CHODL: variants seen among roughly 807,000 people sequenced by gnomAD.
CHODL encodes transmembrane protein MT75.
CHODL carries 29 observed loss-of-function variants against 34.5 expected under a neutral mutation model. That is an observed-to-expected ratio of 0.84 (90% CI 0.63 to 1.15). The LOEUF (loss-of-function observed/expected upper bound fraction) is 1.15, where lower values mean the gene tolerates loss of function less well. Ranked by LOEUF, CHODL falls within the 50% of genes most tolerant of loss-of-function variation. The pLI is 0.00. For synonymous variants in CHODL, 125 were observed against 116.1 expected, an observed-to-expected ratio of 1.08 and a Z score of -0.49; for missense variants, 332 against 332.5, an observed-to-expected ratio of 1.00 and a Z score of 0.01.
intron 1 of CHODL, among the ~76,000 whole-genome samples, chr21:17,980,142 C>T (rs1299517186): frequency 2.0e-5 from 3 of 149,276 alleles, no homozygotes; most frequent in African/African-American, 7.4e-5. Flanking sequence ...ATCAGTTTTC[C>T]ATCTACATTT....
intron 2 of CHODL, among the ~76,000 whole-genome samples, chr21:18,181,523 C>G (rs1247584232): frequency 6.6e-6 from 1 of 152,206 alleles, no homozygotes; most frequent in Non-Finnish European, 1.5e-5. Context: ...CTGCCTCAGC[C>G]TCCCGAGTAG....
At chr21:18,153,687 TC>T (rs1239716560) in intron 2 of CHODL, among the ~76,000 whole-genome samples, 1 of 152,062 alleles carries the variant, frequency 6.6e-6, no homozygotes, top group Non-Finnish European at 1.5e-5. Context: ...CAGTTGAAAA[TC>T]AACTGATAGA....
chr21:18,126,826 C>T (rs12481865), intron 2 of CHODL, among the ~76,000 whole-genome samples: 13,246 of 152,058 alleles, frequency 0.087, 584 homozygotes, highest in East Asian at 0.17. Flanking sequence ...CATGATGCTC[C>T]GGTGGGAAAA....
chr21:18,052,269 G>A (rs157735), intron 2 of CHODL, among the ~76,000 whole-genome samples: 25,017 of 151,774 alleles, frequency 0.16, 5,112 homozygotes, highest in African/African-American at 0.48. Context: ...ATTTTATAGG[G>A]TGCTATGAAC....
chr21:18,254,637 A>T (rs1388177979), intron 1 of CHODL, among the ~76,000 whole-genome samples: 2 of 152,262 alleles, frequency 1.3e-5, no homozygotes, highest in Non-Finnish European at 2.9e-5. Context: ...AACAATAGAA[A>T]GTCCATTGCT....
intron 2 of CHODL, among the ~76,000 whole-genome samples, chr21:18,147,559 C>G (rs2072909345): frequency 6.6e-6 from 1 of 152,192 alleles, no homozygotes; most frequent in Non-Finnish European, 1.5e-5. Flanking sequence ...AGGGAGTTCT[C>G]AACTTTGTCA....
chr21:18,009,181 T>C (rs2063988299), intron 1 of CHODL, among the ~76,000 whole-genome samples: 2 of 152,214 alleles, frequency 1.3e-5, no homozygotes, highest in Admixed American at 6.5e-5. Flanking sequence ...TCCGTTCAGT[T>C]GAATAGCTTA....
intron 2 of CHODL, among the ~76,000 whole-genome samples, chr21:18,205,962 A>G (rs1421519663): frequency 6.6e-6 from 1 of 152,032 alleles, no homozygotes; most frequent in Non-Finnish European, 1.5e-5. Context: ...TCCTCTTGTT[A>G]CTGATTTTTA....
At chr21:18,265,288 TACAC>T (rs563361586) in intron 5 of CHODL, among the ~76,000 whole-genome samples, 6,297 of 139,866 alleles carry the variant, frequency 0.045, 459 homozygotes, top group African/African-American at 0.16. Context: ...TGTATATATA[TACAC>T]ACACACACAC....
intron 2 of CHODL, among the ~76,000 whole-genome samples, chr21:18,054,102 A>AT (rs1387519147): frequency 6.6e-6 from 1 of 151,594 alleles, no homozygotes; most frequent in African/African-American, 2.4e-5. Flanking sequence ...CTTCTTTGTG[A>AT]TTTTCAGTTT....
intron 2 of CHODL, among the ~76,000 whole-genome samples, chr21:18,221,123 C>T (rs146230717): frequency 7.9e-5 from 12 of 151,986 alleles, no homozygotes; most frequent in African/African-American, 4.8e-5. Context: ...TATTCCAAAA[C>T]GCTTGTCTTC....
intron 2 of CHODL, among the ~76,000 whole-genome samples, chr21:18,051,065 C>T (rs898293923): frequency 2.6e-5 from 4 of 151,852 alleles, no homozygotes; most frequent in Admixed American, 1.3e-4. Flanking sequence ...TCTCCTAATG[C>T]TATCCCTTCC....
intron 2 of CHODL, among the ~76,000 whole-genome samples, chr21:18,164,010 T>C (rs1253443703): frequency 6.6e-6 from 1 of 152,220 alleles, no homozygotes; most frequent in African/African-American, 2.4e-5. Flanking sequence ...CTATTGTCTA[T>C]CTTAAAAGAA....
intron 2 of CHODL, among the ~76,000 whole-genome samples, chr21:18,143,633 G>A (rs1017624458): frequency 6.6e-6 from 1 of 152,014 alleles, no homozygotes; most frequent in Non-Finnish European, 1.5e-5. Flanking sequence ...TAAGACGGGA[G>A]AGTAATAGCT....
intron 2 of CHODL, among the ~76,000 whole-genome samples, chr21:18,165,638 C>T (rs2073143213): frequency 6.6e-6 from 1 of 152,154 alleles, no homozygotes; most frequent in South Asian, 2.1e-4. Flanking sequence ...AGGAGGGAGC[C>T]ACGTGGAGCC....
At chr21:18,250,228 A>G (rs892767482) in intron 1 of CHODL, among the ~76,000 whole-genome samples, 1 of 152,064 alleles carries the variant, frequency 6.6e-6, no homozygotes, top group African/African-American at 2.4e-5. Context: ...TTCAAAGCTA[A>G]TTCATTTTGA....
chr21:17,967,596 G>A (rs2063582304), intron 1 of CHODL, among the ~76,000 whole-genome samples: 1 of 152,156 alleles, frequency 6.6e-6, no homozygotes, highest in Non-Finnish European at 1.5e-5. Flanking sequence ...TGCCTCCTAT[G>A]TAGTAACATG....
chr21:18,176,292 T>C (rs1339763118), intron 2 of CHODL, among the ~76,000 whole-genome samples: 1 of 152,196 alleles, frequency 6.6e-6, no homozygotes, highest in Non-Finnish European at 1.5e-5. Context: ...GGTCCATTAT[T>C]AGGGATACAG....
chr21:18,104,500 C>A (rs2065251624), intron 2 of CHODL, among the ~76,000 whole-genome samples: 1 of 152,172 alleles, frequency 6.6e-6, no homozygotes, highest in Non-Finnish European at 1.5e-5. Flanking sequence ...ATTTCCCAGT[C>A]TCAGGCACTT....
Sources: allele counts gnomAD v4.1 joint callset (sites outside exome capture counted in the v4.1 genomes callset), GRCh38; gene constraint gnomAD v4.1.1; transcripts MANE v1.5; gene names NCBI Gene and HGNC (gene_info 2026-07-23, HGNC 2026-07-21).